Variants in SLC9A9 observed in about 807,000 individuals in gnomAD.
The protein encoded by SLC9A9 is sodium/hydrogen exchanger 9.
Under a neutral mutation model 77.8 loss-of-function variants are expected in SLC9A9, and 62 were observed. The observed-to-expected ratio is 0.80, with a 90% CI of 0.65 to 0.98. The LOEUF is 0.98. Among genes scored for constraint, SLC9A9 ranks in the 50% least tolerant of loss-of-function variants. The pLI, the probability that SLC9A9 is intolerant of heterozygous loss-of-function variation, is 0.00. For missense variants in SLC9A9, 775 were observed against 774.9 expected (o/e 1.00, Z 0.00); for synonymous variants, 320 against 283.5 (o/e 1.13, Z -1.29).
chr3:143,564,014 CAT>C (rs1932978492), intron 8 of SLC9A9, among the ~76,000 whole-genome samples: 1 of 152,134 alleles, frequency 6.6e-6, no homozygotes, highest in South Asian at 2.1e-4. Flanking sequence ...GTGTCCAGCA[CAT>C]GTCAGGTACT....
At chr3:143,381,985 T>C in intron 13 of SLC9A9, 75 bp downstream of exon 13, 1 of 1,559,058 alleles carries the variant, frequency 6.4e-7, no homozygotes, top group South Asian at 1.1e-5. Flanking sequence ...GGTCACATGC[T>C]GGACAAACAT....
At chr3:143,631,220 C>T (rs973094201) in intron 6 of SLC9A9, among the ~76,000 whole-genome samples, 3 of 152,096 alleles carry the variant, frequency 2.0e-5, no homozygotes, top group Non-Finnish European at 4.4e-5. Context: ...TAAATCCAAA[C>T]AAAACTTAGT....
intron 12 of SLC9A9, among the ~76,000 whole-genome samples, chr3:143,386,010 T>G (rs1476945995): frequency 6.6e-6 from 1 of 152,172 alleles, no homozygotes; most frequent in Non-Finnish European, 1.5e-5. Flanking sequence ...TGGCTACCAC[T>G]GAACTTGTGC....
intron 6 of SLC9A9, among the ~76,000 whole-genome samples, chr3:143,647,231 G>A (rs779720859): frequency 2.6e-5 from 4 of 152,150 alleles, no homozygotes; most frequent in African/African-American, 7.2e-5. Flanking sequence ...CCAAGGTAAC[G>A]TAAATAATGA....
intron 12 of SLC9A9, among the ~76,000 whole-genome samples, chr3:143,417,051 G>T (rs1329083420): frequency 1.3e-5 from 2 of 152,182 alleles, no homozygotes; most frequent in Admixed American, 6.5e-5. Context: ...AGAACATACT[G>T]GTATGCTGAC....
intron 14 of SLC9A9, among the ~76,000 whole-genome samples, chr3:143,326,678 C>T (rs181835102): frequency 6.6e-6 from 1 of 152,332 alleles, no homozygotes; most frequent in African/African-American, 2.4e-5. Flanking sequence ...CACTCCATGG[C>T]TATTCTCCAT....
chr3:143,495,554 A>T (rs544165886), intron 9 of SLC9A9, 106 bp from the exon 10 acceptor site: 6 of 847,302 alleles, frequency 7.1e-6, no homozygotes, highest in African/African-American at 5.0e-5. Context: ...CTTTATCTGG[A>T]AGGCCACCCC....
At chr3:143,758,487 C>T (rs1196635975) in intron 4 of SLC9A9, among the ~76,000 whole-genome samples, 2 of 152,088 alleles carry the variant, frequency 1.3e-5, no homozygotes, top group African/African-American at 4.8e-5. Context: ...GGCAGTGGCC[C>T]TCACATTTTT....
chr3:143,488,493 T>C (rs747913738), intron 11 of SLC9A9, among the ~76,000 whole-genome samples: 9 of 151,802 alleles, frequency 5.9e-5, no homozygotes, highest in Non-Finnish European at 1.0e-4. Flanking sequence ...AATGCAAAAT[T>C]CTCAACAAAA....
At chr3:143,672,758 C>T (rs1253755166) in intron 5 of SLC9A9, among the ~76,000 whole-genome samples, 1 of 152,194 alleles carries the variant, frequency 6.6e-6, no homozygotes, top group African/African-American at 2.4e-5. Flanking sequence ...TTTTTATACA[C>T]ATGACCAATC....
chr3:143,360,178 A>G (rs971634521), intron 14 of SLC9A9, among the ~76,000 whole-genome samples: 4 of 152,210 alleles, frequency 2.6e-5, no homozygotes, highest in East Asian at 3.8e-4. Flanking sequence ...AAACAAAGTT[A>G]TTTAAGTTAT....
intron 12 of SLC9A9, among the ~76,000 whole-genome samples, chr3:143,387,611 C>T (rs1266798366): frequency 1.3e-5 from 2 of 152,048 alleles, no homozygotes; most frequent in African/African-American, 4.8e-5. Context: ...GCTGTGCCCT[C>T]GTACATCTCA....
chr3:143,304,332 C>T (rs767577673), intron 14 of SLC9A9, among the ~76,000 whole-genome samples: 9 of 152,200 alleles, frequency 5.9e-5, no homozygotes, highest in South Asian at 2.1e-4. Context: ...GAAACACCCA[C>T]GTTAATGGCT....
In SLC9A9 at chr3:143,363,534, C is replaced by T. The variant is rs141051651; in HGVS notation, c.1554G>A (p.Thr518=). ...TGAAGAGCCGAGCACTCTCTGCTTT[C>T]GTCATGTTTTTATCCAAGTTATTTG... is the stretch of plus-strand genomic sequence containing the variant. ...QEANNLDKNM[T]KAESARLFRM... is the part of the protein sequence containing the mutation. Residue 518 remains threonine, a synonymous_variant, in exon 14 of 16, where the codon ACG becomes ACA. Transcript: ENST00000316549. 1.5e-5 allele frequency: 24 copies of T among 1,612,868 alleles called. No individual in the cohort carries two copies. The highest frequency in any genetic ancestry group is 5.0e-5 in the Admixed American group (3 of 59,906).
rs765150727 is a variant in SLC9A9 at position 143,574,172 on chromosome 3, A to G, written c.916T>C (p.Cys306Arg). Residue 306 changes from cysteine to arginine, a missense_variant, in exon 8 of 16, where the codon TGT becomes CGT. Cys to Arg is a radical substitution (Grantham distance 180). Coordinates refer to ENST00000316549, the MANE Select transcript of SLC9A9 (RefSeq NM_173653.4). Reference protein sequence around the residue: ...TALLTKFTKLCEFPMLETGLF... With the variant: ...TALLTKFTKLREFPMLETGLF... ...CCGGTTTCCAGCATCGGGAACTCAC[A>G]CAGCTTGGTAAATTTGGTCAAGTGA... The G allele has an allele frequency of 3.7e-6, 6 of 1,613,320 alleles. No individual in the cohort carries two copies. Among genetic ancestry groups the G allele is most frequent in the South Asian group, 3.3e-5 (3 of 91,056 alleles).
At chr3:143,404,716 C>T (rs1360470314) in intron 12 of SLC9A9, among the ~76,000 whole-genome samples, 1 of 152,090 alleles carries the variant, frequency 6.6e-6, no homozygotes, top group African/African-American at 2.4e-5. Flanking sequence ...ATTTTGGATT[C>T]TCATTAGCCT....
At chr3:143,502,196 A>G (rs1477887672) in intron 9 of SLC9A9, among the ~76,000 whole-genome samples, 1 of 150,810 alleles carries the variant, frequency 6.6e-6, no homozygotes, top group African/African-American at 2.5e-5. Context: ...CCATTACTTC[A>G]CAGTTTGTGA....
chr3:143,771,524 C>A (rs575763465), intron 4 of SLC9A9, among the ~76,000 whole-genome samples: 1 of 152,048 alleles, frequency 6.6e-6, no homozygotes, highest in Non-Finnish European at 1.5e-5. Flanking sequence ...AGAGAAGGTG[C>A]CATGGGAGAA....
chr3:143,660,326 C>G (rs941823820), intron 5 of SLC9A9, among the ~76,000 whole-genome samples: 1 of 152,202 alleles, frequency 6.6e-6, no homozygotes, highest in South Asian at 2.1e-4. Context: ...ACACACTGTT[C>G]TTGGCTCTGA....
Sources: allele counts gnomAD v4.1 joint callset (sites outside exome capture counted in the v4.1 genomes callset), GRCh38; gene constraint gnomAD v4.1.1; transcripts MANE v1.5; gene names NCBI Gene and HGNC (gene_info 2026-07-23, HGNC 2026-07-21).